Variants in PHF10 observed in about 807,000 individuals in gnomAD.
The protein encoded by PHF10 is BRG1-associated factor 45a.
In PHF10, 51 loss-of-function variants were observed where a neutral mutation model predicts 68.5. That is an observed-to-expected ratio of 0.74 (90% CI 0.59 to 0.94). The LOEUF (loss-of-function observed/expected upper bound fraction) is 0.94. Ranked by LOEUF, PHF10 falls within the 40% of genes least tolerant of loss-of-function variation. The pLI is 0.00. For missense variants in PHF10, 460 were observed against 602.6 expected, an observed-to-expected ratio of 0.76 and a Z score of 2.48; for synonymous variants, 204 against 203.5, an observed-to-expected ratio of 1.00 and a Z score of -0.02.
chr6:169,720,196 CTG>C (rs928610094), intron 2 of PHF10, among the ~76,000 whole-genome samples: 3 of 152,148 alleles, frequency 2.0e-5, no homozygotes, highest in South Asian at 2.1e-4. Flanking sequence ...AAACTGGAAA[CTG>C]TGAATTGCTG....
intron 9 of PHF10, chr6:169,707,065 T>G (rs1386991675): frequency 6.6e-6 from 1 of 152,180 alleles, no homozygotes; most frequent in African/African-American, 2.4e-5. Flanking sequence ...TTAAAAAAAG[T>G]CAACCTTATA....
intron 11 of PHF10, chr6:169,704,414 C>T: frequency 3.6e-6 from 1 of 277,012 alleles, no homozygotes; most frequent in South Asian, 1.3e-4. Context: ...CGGAATTTGG[C>T]TTTTTTAAGA....
intron 9 of PHF10, among the ~76,000 whole-genome samples, chr6:169,706,227 A>G (rs1324352215): frequency 5.9e-5 from 9 of 152,224 alleles, no homozygotes; most frequent in Admixed American, 5.9e-4. Flanking sequence ...GTATTTAAAA[A>G]AAAATCAGTT....
chr6:169,722,765 T>G (rs1014780275), intron 1 of PHF10, among the ~76,000 whole-genome samples: 10 of 152,204 alleles, frequency 6.6e-5, no homozygotes, highest in African/African-American at 2.2e-4. Context: ...ATCAGAGATG[T>G]GCCTTCCAGA....
chr6:169,713,667 T>TA (rs1352063825), intron 7 of PHF10, among the ~76,000 whole-genome samples: 22 of 152,092 alleles, frequency 1.4e-4, no homozygotes, highest in Non-Finnish European at 3.1e-4. Flanking sequence ...AATTTGAATT[T>TA]AAAAAATCTT....
At chr6:169,711,024 T>C (rs1032446605) in intron 8 of PHF10, among the ~76,000 whole-genome samples, 3 of 152,202 alleles carry the variant, frequency 2.0e-5, no homozygotes, top group African/African-American at 4.8e-5. Context: ...AGAACTTTCA[T>C]ATAAATTACA....
chr6:169,718,394 G>C (rs375287180), intron 3 of PHF10, among the ~76,000 whole-genome samples: 4 of 152,188 alleles, frequency 2.6e-5, no homozygotes, highest in Non-Finnish European at 5.9e-5. Context: ...AGGCGTGGTG[G>C]CTCACACCTG....
Position 169,720,900 on chromosome 6 carries a change from C to A in PHF10, c.194+105G>T, listed in dbSNP as rs923503206. On this transcript the variant is annotated intron_variant, in intron 2 of 11. Transcript: ENST00000339209. ...TATAGAACAGGAAGAAAATATTCTA[C>A]AATTTTTAATAATTGCCTTTGCCAG... is the stretch of plus-strand genomic sequence containing the variant. 4 of 628,008 alleles carry A rather than the reference C, an allele frequency of 6.4e-6. No homozygotes were observed. The African/African-American group carries it at 7.3e-5, about 12-fold the overall frequency. 38.9% of individuals were successfully genotyped at this position (628,008 alleles called of 1,614,324 possible).
Position 169,724,194 on chromosome 6 carries a change from G to A in PHF10, c.-263C>T, listed in dbSNP as rs1789266811. On this transcript the variant is annotated 5_prime_UTR_variant, in exon 1 of 12. Transcript: ENST00000339209. ...AGGCTGGGAGGGCGCGGGGCTGCGG[G>A]CCGGAATGGAGGAGGCCCAGCGGCG... 1 of 146,296 alleles carries A rather than the reference G, an allele frequency of 6.8e-6. No homozygotes were observed. Among genetic ancestry groups the A allele is most frequent in the Admixed American group, 6.8e-5 (1 of 14,792 alleles). 9.1% of individuals were successfully genotyped at this position (146,296 alleles called of 1,614,324 possible).
At chr6:169,716,406 C>A (rs1789048508) in intron 4 of PHF10, among the ~76,000 whole-genome samples, 1 of 151,740 alleles carries the variant, frequency 6.6e-6, no homozygotes, top group African/African-American at 2.4e-5. Flanking sequence ...GCACTAACTA[C>A]TAACAAGTAC....
intron 10 of PHF10, 90 bp from the exon 11 acceptor site, chr6:169,705,411 G>A: frequency 1.1e-6 from 1 of 896,432 alleles, no homozygotes; most frequent in Admixed American, 2.4e-5. Context: ...AGGACTTCCA[G>A]AGAATGGCTA....
chr6:169,706,667 A>G (rs1200078919), intron 9 of PHF10, among the ~76,000 whole-genome samples: 1 of 151,774 alleles, frequency 6.6e-6, no homozygotes, highest in African/African-American at 2.4e-5. Context: ...ACAGTGGTAA[A>G]AAAGGAAGAG....
chr6:169,710,514 G>A, intron 8 of PHF10, 123 bp from the exon 9 acceptor site: 1 of 743,700 alleles, frequency 1.3e-6, no homozygotes, highest in East Asian at 2.7e-5. Flanking sequence ...AAAATAAAAA[G>A]ATCATTCTAA....
At chr6:169,710,839 G>GA (rs569646661) in intron 8 of PHF10, among the ~76,000 whole-genome samples, 3,232 of 133,872 alleles carry the variant, frequency 0.024, 42 homozygotes, top group Middle Eastern at 0.11. Context: ...CTGCAGTTAG[G>GA]AAAAAAAAAA....
chr6:169,719,428 G>C (rs1300808221), intron 2 of PHF10: 1 of 152,924 alleles, frequency 6.5e-6, no homozygotes, highest in African/African-American at 2.4e-5. Flanking sequence ...CACAAACCCA[G>C]AAGCAAAGAA....
chr6:169,723,810 G>T, intron 1 of PHF10, 35 bp downstream of exon 1: 1 of 746,448 alleles, frequency 1.3e-6, no homozygotes, highest in Non-Finnish European at 1.7e-6. Flanking sequence ...GCCCGGGACG[G>T]GGTCAGGGTC....
chr6:169,723,896 G>C lies in PHF10; in HGVS notation c.36C>G (p.Ser12=), dbSNP rs1161794074. 1 of 1,079,478 alleles carries C rather than the reference G, an allele frequency of 9.3e-7. No individual in the cohort carries two copies. The highest frequency in any genetic ancestry group is 1.1e-6 in the Non-Finnish European group (1 of 888,168). The allele number at this position is 1,079,478 out of a possible 1,614,324, so 66.9% of individuals were successfully genotyped here. ...AAAAGPGAAL[S]PRPCDSDPAT... ...CTGGGTCGCTGTCGCACGGCCGCGG[G>C]GACAGCGCAGCCCCGGGCCCGGCCG... is the stretch of plus-strand genomic sequence containing the variant. Residue 12 remains serine (S), a synonymous_variant, in exon 1 of 12, where the codon TCC becomes TCG. Transcript: ENST00000339209.
intron 11 of PHF10, chr6:169,704,851 G>T: frequency 3.3e-6 from 1 of 298,574 alleles, no homozygotes. Context: ...AAAAATAAAG[G>T]CTTTGTTACT....
At chr6:169,718,640 C>G in intron 3 of PHF10, 148 bp downstream of exon 3, 1 of 546,726 alleles carries the variant, frequency 1.8e-6, no homozygotes. Flanking sequence ...TGCGCTCTAG[C>G]CTGGGTTACA....
Sources: gnomAD v4.1 joint callset for allele counts (sites outside exome capture counted in the v4.1 genomes callset) on GRCh38, gnomAD v4.1.1 for gene constraint, MANE v1.5 for transcripts, NCBI Gene and HGNC (gene_info 2026-07-23, HGNC 2026-07-21) for gene names.